Variants in DOCK2 observed in about 807,000 individuals in gnomAD.
The protein encoded by DOCK2 is dedicator of cytokinesis 2.
In DOCK2, 87 loss-of-function variants were observed where a neutral mutation model predicts 248.9. The observed-to-expected ratio is 0.35, with a 90% CI of 0.29 to 0.42. The LOEUF (loss-of-function observed/expected upper bound fraction) is 0.42. Among genes scored for constraint, DOCK2 ranks in the 10% least tolerant of loss-of-function variants. DOCK2 has a pLI of 1.00. For missense variants in DOCK2, 1,747 were observed against 2,300.2 expected, an observed-to-expected ratio of 0.76 and a Z score of 4.92; for synonymous variants, 805 against 821.6, an observed-to-expected ratio of 0.98 and a Z score of 0.35.
At chr5:169,644,039 G>A (rs1212910680) in intron 1 of DOCK2, among the ~76,000 whole-genome samples, 1 of 152,116 alleles carries the variant, frequency 6.6e-6, no homozygotes, top group Admixed American at 6.5e-5. Context: ...AGAGGAGGAA[G>A]CCTCTCTGAT....
In DOCK2 at chr5:169,718,803, T is replaced by A. The variant is rs1762038008; in HGVS notation, c.2267+12T>A. 3 of 1,612,068 alleles carry A rather than the reference T, an allele frequency of 1.9e-6. No individual in the cohort carries two copies. The highest frequency in any genetic ancestry group is 2.5e-6 in the Non-Finnish European group (3 of 1,178,446). On this transcript the variant is annotated intron_variant, in intron 22 of 51. Coordinates refer to ENST00000520908, the MANE Select transcript of DOCK2 (RefSeq NM_004946.3). ...ACATTATTTTCACAGTGAGTACTTG[T>A]TATGTAAGAGTGATTGATTAGCTCT... is the stretch of plus-strand genomic sequence containing the variant.
chr5:170,068,315 C>T (rs1242188070), intron 45 of DOCK2, among the ~76,000 whole-genome samples: 2 of 152,208 alleles, frequency 1.3e-5, no homozygotes, highest in Non-Finnish European at 1.5e-5. Flanking sequence ...AGTAAGGATA[C>T]GTAGCTGTTC....
chr5:169,755,967 G>A lies in DOCK2; in HGVS notation c.2377-3738G>A, dbSNP rs369441473. 1.3e-4 allele frequency among the ~76,000 whole-genome samples: 20 copies of A among 152,268 alleles called. 1 individual carries two copies. The highest frequency in any genetic ancestry group is 8.3e-4 in the South Asian group (4 of 4,822). ...AGAAGTCCTCTGACAAATGCTGACC[G>A]TGACAACAGTCTTGGCAAACTTCAG... On this transcript the variant is annotated intron_variant, in intron 23 of 51. Coordinates refer to ENST00000520908, the MANE Select transcript of DOCK2 (RefSeq NM_004946.3).
intron 6 of DOCK2, among the ~76,000 whole-genome samples, chr5:169,680,783 C>T (rs1490522442): frequency 6.6e-6 from 1 of 152,118 alleles, no homozygotes; most frequent in Non-Finnish European, 1.5e-5. Flanking sequence ...CTTTACTCCT[C>T]CAGCCCTAGG....
At chr5:169,959,357 A>C (rs2113741373) in intron 27 of DOCK2, among the ~76,000 whole-genome samples, 1 of 151,746 alleles carries the variant, frequency 6.6e-6, no homozygotes, top group East Asian at 1.9e-4. Flanking sequence ...TGACAGAGAG[A>C]GACTCCGTCT....
intron 11 of DOCK2, among the ~76,000 whole-genome samples, chr5:169,698,829 G>A (rs1030274037): frequency 7.2e-5 from 11 of 152,158 alleles, no homozygotes; most frequent in South Asian, 4.1e-4. Context: ...CAGAAACCAC[G>A]AAGCTGTGAA....
At chr5:169,904,551 C>G (rs1774161400) in intron 27 of DOCK2, among the ~76,000 whole-genome samples, 1 of 152,014 alleles carries the variant, frequency 6.6e-6, no homozygotes, top group South Asian at 2.1e-4. Context: ...AGAGCTCAGG[C>G]CTTTAGAGTG....
Position 169,833,219 on chromosome 5 carries a change from C to A in DOCK2, c.2704-7538C>A, listed in dbSNP as rs950690877. Among the ~76,000 whole-genome samples the A allele has an allele frequency of 2.6e-5, 4 of 152,288 alleles. No homozygotes were observed. The East Asian group carries it at 7.7e-4, about 29-fold the overall frequency. On this transcript the variant is annotated intron_variant, in intron 26 of 51. Coordinates refer to ENST00000520908, the MANE Select transcript of DOCK2 (RefSeq NM_004946.3). Reference sequence around the variant, plus strand: ...CAATCATATTTTTAAAAGTGTATCACTATCAGGTATATGTTTAATATATTT... The same window carrying A: ...CAATCATATTTTTAAAAGTGTATCAATATCAGGTATATGTTTAATATATTT...
At chr5:170,035,212 G>A (rs1270806116) in intron 35 of DOCK2, among the ~76,000 whole-genome samples, 1 of 152,148 alleles carries the variant, frequency 6.6e-6, no homozygotes, top group African/African-American at 2.4e-5. Flanking sequence ...AGACAGGTAG[G>A]TAAGCAGCCA....
intron 29 of DOCK2, among the ~76,000 whole-genome samples, chr5:169,987,729 G>A (rs1473496521): frequency 6.6e-6 from 1 of 152,188 alleles, no homozygotes; most frequent in Non-Finnish European, 1.5e-5. Flanking sequence ...TAGAAAATTA[G>A]AATGTAATTT....
chr5:170,038,986 G>A (rs781080191), intron 36 of DOCK2, among the ~76,000 whole-genome samples: 23 of 152,198 alleles, frequency 1.5e-4, no homozygotes, highest in Non-Finnish European at 2.6e-4. Context: ...GAGGTCATGT[G>A]CAATTTCACG....
chr5:169,862,110 C>A (rs1339977940), intron 27 of DOCK2, among the ~76,000 whole-genome samples: 1 of 152,158 alleles, frequency 6.6e-6, no homozygotes, highest in East Asian at 1.9e-4. Context: ...CCCAGGCTAA[C>A]TTTGGCCAGT....
intron 11 of DOCK2, 101 bp downstream of exon 11, chr5:169,698,550 G>A (rs535021734): frequency 2.3e-6 from 3 of 1,304,572 alleles, no homozygotes; most frequent in Non-Finnish European, 1.1e-6. Context: ...TTAGTGATAG[G>A]CAGGTGGAGC....
intron 26 of DOCK2, among the ~76,000 whole-genome samples, chr5:169,811,985 C>A (rs902228895): frequency 2.6e-5 from 4 of 152,174 alleles, no homozygotes; most frequent in African/African-American, 7.2e-5. Flanking sequence ...GCTGGGGCTA[C>A]GGCTGTGAGC....
At chr5:169,985,988 G>T in intron 29 of DOCK2, 66 bp downstream of exon 29, 1 of 1,422,320 alleles carries the variant, frequency 7.0e-7, no homozygotes, top group Non-Finnish European at 9.6e-7. Flanking sequence ...CACTTATTTT[G>T]GGTTAAATTA....
intron 10 of DOCK2, among the ~76,000 whole-genome samples, chr5:169,698,079 C>A (rs1013329267): frequency 1.2e-4 from 19 of 152,152 alleles, no homozygotes; most frequent in African/African-American, 4.6e-4. Flanking sequence ...CTGAATTCCA[C>A]AGCCACGGCT....
At chr5:169,722,429 C>CAAGTGG (rs1244853325) in intron 22 of DOCK2, among the ~76,000 whole-genome samples, 1 of 152,206 alleles carries the variant, frequency 6.6e-6, no homozygotes, top group Non-Finnish European at 1.5e-5. Context: ...GTTGCTCCCA[C>CAAGTGG]TTGTCTCTGC....
intron 25 of DOCK2, among the ~76,000 whole-genome samples, chr5:169,794,001 T>C (rs560371104): frequency 6.6e-6 from 1 of 152,310 alleles, no homozygotes; most frequent in South Asian, 2.1e-4. Context: ...CTCTTCATCC[T>C]GTCACCTGGT....
intron 10 of DOCK2, 37 bp downstream of exon 10, chr5:169,695,975 A>C (rs774949014): frequency 6.5e-7 from 1 of 1,547,250 alleles, no homozygotes. Context: ...TTTTTATGGG[A>C]GCGCACATTT....
Sources: allele counts gnomAD v4.1 joint callset (sites outside exome capture counted in the v4.1 genomes callset), GRCh38; gene constraint gnomAD v4.1.1; transcripts MANE v1.5; gene names NCBI Gene and HGNC (gene_info 2026-07-23, HGNC 2026-07-21).